The following FAT3 variants were observed in gnomAD, a reference collection of about 807,000 sequenced individuals.
FAT3 encodes the protein FAT atypical cadherin 3, also known as protocadherin Fat 3.
Under a neutral mutation model 310.2 loss-of-function variants are expected in FAT3, and 95 were observed. The observed-to-expected ratio is 0.31, with a 90% confidence interval of 0.26 to 0.36. The LOEUF is 0.36. FAT3 is among the 10% of genes least tolerant of loss of function. FAT3 has a pLI of 1.00. For synonymous variants in FAT3, 2,314 were observed against 2,192.9 expected (o/e 1.06, Z -1.54); for missense variants, 5,408 against 5,715.6 (o/e 0.95, Z 1.74).
intron 2 of FAT3, among the ~76,000 whole-genome samples, chr11:92,382,721 T>C (rs956533378): frequency 6.6e-6 from 1 of 152,232 alleles, no homozygotes; most frequent in Non-Finnish European, 1.5e-5. Context: ...TCCATGTGTG[T>C]ATAGAGAAGG....
intron 1 of FAT3, among the ~76,000 whole-genome samples, chr11:92,276,996 C>T (rs2134352127): frequency 6.6e-6 from 1 of 152,232 alleles, no homozygotes. Flanking sequence ...TCACTGATTG[C>T]TTGCAGCTGT....
At chr11:92,550,927 A>G (rs983072708) in intron 3 of FAT3, among the ~76,000 whole-genome samples, 1 of 151,898 alleles carries the variant, frequency 6.6e-6, no homozygotes, top group Non-Finnish European at 1.5e-5. Flanking sequence ...TTCCTTGGGT[A>G]TTAAATTTGA....
intron 3 of FAT3, among the ~76,000 whole-genome samples, chr11:92,527,667 T>G (rs1232091184): frequency 6.6e-6 from 1 of 152,190 alleles, no homozygotes; most frequent in East Asian, 1.9e-4. Flanking sequence ...TCATGCTGCC[T>G]AGGGGGCAAC....
intron 1 of FAT3, among the ~76,000 whole-genome samples, chr11:92,300,085 A>C (rs1480114992): frequency 6.6e-6 from 1 of 152,132 alleles, no homozygotes; most frequent in Non-Finnish European, 1.5e-5. Flanking sequence ...AAGAGTGTGC[A>C]TCCTAACAAT....
intron 2 of FAT3, among the ~76,000 whole-genome samples, chr11:92,409,743 G>A (rs1950211718): frequency 6.6e-6 from 1 of 152,130 alleles, no homozygotes; most frequent in South Asian, 2.1e-4. Context: ...ACAGTTAGAA[G>A]CCAGCATGAT....
chr11:92,705,538 A>ATGGTGTGATGGTGGTGGTGTGATGGTGG (rs1309892914), intron 4 of FAT3, among the ~76,000 whole-genome samples: 12 of 18,290 alleles, frequency 6.6e-4, no homozygotes, highest in African/African-American at 2.5e-3. Flanking sequence ...TGGTGGTGTG[A>ATGGTGTGATGGTGGTGGTGTGATGGTGG]TGGTGTGATG....
intron 3 of FAT3, among the ~76,000 whole-genome samples, chr11:92,644,546 AC>A (rs763152507): frequency 1.1e-4 from 16 of 151,878 alleles, no homozygotes; most frequent in Non-Finnish European, 1.8e-4. Context: ...ACTTCCTAAC[AC>A]CCCTTTTCAC....
intron 4 of FAT3, among the ~76,000 whole-genome samples, chr11:92,714,091 T>A (rs1944603269): frequency 6.6e-6 from 1 of 152,194 alleles, no homozygotes; most frequent in African/African-American, 2.4e-5. Context: ...CTTATAAGAC[T>A]ACTGCTGTGG....
At chr11:92,497,806 G>C (rs1054078871) in intron 2 of FAT3, among the ~76,000 whole-genome samples, 21 of 152,150 alleles carry the variant, frequency 1.4e-4, no homozygotes, top group African/African-American at 4.1e-4. Flanking sequence ...CTACAGCCCA[G>C]CAATTAGATG....
chr11:92,794,381 ATT>A (rs1947115369), intron 9 of FAT3, among the ~76,000 whole-genome samples: 1 of 152,086 alleles, frequency 6.6e-6, no homozygotes, highest in Non-Finnish European at 1.5e-5. Flanking sequence ...ATGCATATAC[ATT>A]GTTTCATGTC....
intron 1 of FAT3, among the ~76,000 whole-genome samples, chr11:92,329,700 A>G: frequency 8.9e-4 from 1 of 1,124 alleles, no homozygotes; most frequent in Non-Finnish European, 2.0e-3. Context: ...TTTGTGTTCC[A>G]CTTAGCTTTT....
chr11:92,503,909 C>T (rs892831860), intron 2 of FAT3, among the ~76,000 whole-genome samples: 1 of 152,194 alleles, frequency 6.6e-6, no homozygotes, highest in African/African-American at 2.4e-5. Context: ...TTGAGATGGT[C>T]CCTTGAAGCA....
intron 3 of FAT3, among the ~76,000 whole-genome samples, chr11:92,594,410 C>T (rs996742409): frequency 6.6e-6 from 1 of 152,122 alleles, no homozygotes; most frequent in African/African-American, 2.4e-5. Context: ...CCACTGCATA[C>T]CACCCTGAGT....
At chr11:92,471,465 A>T (rs1200394502) in intron 2 of FAT3, among the ~76,000 whole-genome samples, 1 of 152,220 alleles carries the variant, frequency 6.6e-6, no homozygotes, top group Non-Finnish European at 1.5e-5. Context: ...GCTCACCTTC[A>T]TGTAATCAGG....
rs190836368 is a variant in FAT3, at chr11:92,319,672, A to G, written c.-17-32424A>G. 4.6e-5 allele frequency among the ~76,000 whole-genome samples: 7 copies of G among 152,320 alleles called. 1 individual carries two copies. Among genetic ancestry groups the G allele is most frequent in the Admixed American group, 3.3e-4 (5 of 15,300 alleles). On this transcript the variant is annotated intron_variant, in intron 1 of 27. Coordinates refer to ENST00000525166, the MANE Select transcript of FAT3 (RefSeq NM_001367949.2). ...ATTGAGGATTTGAAATATTACGAGA[A>G]TCTGCTTCTAAAAGTAATTTTTTCT...
intron 3 of FAT3, among the ~76,000 whole-genome samples, chr11:92,561,175 C>G (rs1955211196): frequency 6.6e-6 from 1 of 151,912 alleles, no homozygotes; most frequent in African/African-American, 2.4e-5. Context: ...ACCACAGTAC[C>G]CTAGTGAATA....
intron 1 of FAT3, among the ~76,000 whole-genome samples, chr11:92,249,795 G>C (rs1264542761): frequency 6.6e-6 from 1 of 152,106 alleles, no homozygotes; most frequent in Non-Finnish European, 1.5e-5. Flanking sequence ...GGAAGCTCTT[G>C]TGTTGCACCC....
At chr11:92,754,353 C>T (rs1368928334) in intron 4 of FAT3, among the ~76,000 whole-genome samples, 10 of 151,660 alleles carry the variant, frequency 6.6e-5, no homozygotes, top group Admixed American at 3.9e-4. Flanking sequence ...CGGCCGGGCG[C>T]GATGGCTCAC....
At chr11:92,620,377 G>A (rs377358260) in intron 3 of FAT3, among the ~76,000 whole-genome samples, 1 of 152,146 alleles carries the variant, frequency 6.6e-6, no homozygotes, top group Non-Finnish European at 1.5e-5. Flanking sequence ...AGTTGGCTTA[G>A]AGCATTGTTC....
Sources: gnomAD v4.1 joint callset for allele counts (sites outside exome capture counted in the v4.1 genomes callset) on GRCh38, gnomAD v4.1.1 for gene constraint, MANE v1.5 for transcripts, NCBI Gene and HGNC (gene_info 2026-07-23, HGNC 2026-07-21) for gene names.